The following KCNIP4 variants were observed in gnomAD, a reference collection of about 807,000 sequenced individuals.
The protein encoded by KCNIP4 is potassium voltage-gated channel interacting protein 4.
Under a neutral mutation model 34.0 loss-of-function variants are expected in KCNIP4, and 12 were observed. The observed-to-expected ratio is 0.35, with a 90% CI of 0.23 to 0.57. The LOEUF (loss-of-function observed/expected upper bound fraction) is 0.57, where lower values mean the gene tolerates loss of function less well. KCNIP4 is among the 20% of genes least tolerant of loss of function. The pLI is 0.83. For missense variants in KCNIP4, 238 were observed against 311.7 expected (o/e 0.76, Z 1.78); for synonymous variants, 124 against 102.2 (o/e 1.21, Z -1.29).
intron 1 of KCNIP4, among the ~76,000 whole-genome samples, chr4:21,924,283 G>T (rs768010440): frequency 7.7e-6 from 1 of 130,176 alleles, no homozygotes. Context: ...TCGCTCTGTC[G>T]CCCAGGCTGG....
intron 1 of KCNIP4, among the ~76,000 whole-genome samples, chr4:21,798,787 G>C (rs538841107): frequency 1.3e-5 from 2 of 151,966 alleles, no homozygotes; most frequent in Non-Finnish European, 2.9e-5. Context: ...CACTTAGAAG[G>C]CATATGAAAC....
chr4:21,624,727 G>C (rs563473490), intron 1 of KCNIP4, among the ~76,000 whole-genome samples: 4 of 152,014 alleles, frequency 2.6e-5, no homozygotes, highest in Admixed American at 2.6e-4. Context: ...TCTGAAAATG[G>C]GCAATATGTT....
chr4:21,919,054 G>A (rs568370611), intron 1 of KCNIP4, among the ~76,000 whole-genome samples: 2 of 152,276 alleles, frequency 1.3e-5, no homozygotes, highest in South Asian at 4.1e-4. Context: ...GAACAAAAGA[G>A]ATTCTTCCAG....
intron 1 of KCNIP4, among the ~76,000 whole-genome samples, chr4:21,106,214 T>C (rs1372626624): frequency 1.5e-5 from 2 of 136,778 alleles, no homozygotes; most frequent in Non-Finnish European, 3.1e-5. Flanking sequence ...CGGCTGTGAA[T>C]CCATCTGGTC....
intron 1 of KCNIP4, among the ~76,000 whole-genome samples, chr4:21,683,001 G>A (rs144930742): frequency 0.016 from 2,507 of 152,256 alleles, 79 homozygotes; most frequent in African/African-American, 0.057. Flanking sequence ...GAAGAATGGC[G>A]CTGATAGTAT....
intron 1 of KCNIP4, among the ~76,000 whole-genome samples, chr4:21,717,605 G>A (rs1026966137): frequency 6.6e-6 from 1 of 152,088 alleles, no homozygotes; most frequent in Admixed American, 6.6e-5. Flanking sequence ...GGTAGCCTAG[G>A]ACTGGAGCAA....
intron 1 of KCNIP4, among the ~76,000 whole-genome samples, chr4:21,715,259 G>C (rs957807130): frequency 2.0e-5 from 3 of 151,080 alleles, no homozygotes; most frequent in Non-Finnish European, 4.4e-5. Context: ...AACCTCCCAA[G>C]TACCTGGGAC....
At chr4:21,119,011 T>G (rs1749919804) in intron 1 of KCNIP4, among the ~76,000 whole-genome samples, 2 of 152,200 alleles carry the variant, frequency 1.3e-5, no homozygotes, top group Admixed American at 1.3e-4. Context: ...TTAGATATGA[T>G]GAGGTTTTTG....
At chr4:21,380,456 G>GGAGAGGGGGAGAGAGAGA (rs746207928) in intron 1 of KCNIP4, among the ~76,000 whole-genome samples, 21 of 140,770 alleles carry the variant, frequency 1.5e-4, no homozygotes, top group African/African-American at 3.7e-4. Context: ...AGAGGGAGAG[G>GGAGAGGGGGAGAGAGAGA]GGGAGAGAGA....
At chr4:21,321,244 C>T (rs1279274843) in intron 1 of KCNIP4, among the ~76,000 whole-genome samples, 2 of 152,070 alleles carry the variant, frequency 1.3e-5, no homozygotes, top group East Asian at 3.9e-4. Context: ...AGCCTTGAAT[C>T]CTGCATTTAG....
chr4:20,889,519 C>T (rs1725678838), intron 1 of KCNIP4, among the ~76,000 whole-genome samples: 1 of 152,082 alleles, frequency 6.6e-6, no homozygotes, highest in Non-Finnish European at 1.5e-5. Context: ...ATGAACTCTA[C>T]TCTGGAGGGC....
At chr4:21,173,437 G>T (rs958463081) in intron 1 of KCNIP4, among the ~76,000 whole-genome samples, 6 of 152,108 alleles carry the variant, frequency 3.9e-5, no homozygotes, top group Non-Finnish European at 8.8e-5. Flanking sequence ...GCGATGAGAG[G>T]TTTCAACAGT....
intron 5 of KCNIP4, 58 bp downstream of exon 5, chr4:20,749,604 C>T: frequency 8.5e-7 from 1 of 1,181,972 alleles, no homozygotes. Context: ...TCACATTTTC[C>T]CCCTAAAAAG....
intron 1 of KCNIP4, among the ~76,000 whole-genome samples, chr4:21,313,538 C>T (rs1279074991): frequency 6.6e-6 from 1 of 152,030 alleles, no homozygotes; most frequent in Non-Finnish European, 1.5e-5. Context: ...CTATGATAAC[C>T]AAGTTAAACT....
intron 1 of KCNIP4, among the ~76,000 whole-genome samples, chr4:20,918,903 GAT>G (rs1475165529): frequency 2.6e-5 from 4 of 152,320 alleles, no homozygotes; most frequent in African/African-American, 9.6e-5. Flanking sequence ...CTGTAAGTAA[GAT>G]ATAATCTGGG....
chr4:20,871,791 A>T (rs2149510978), intron 2 of KCNIP4, among the ~76,000 whole-genome samples: 1 of 152,246 alleles, frequency 6.6e-6, no homozygotes, highest in African/African-American at 2.4e-5. Flanking sequence ...GGCAGCTTGC[A>T]TGTAAACATG....
chr4:21,351,961 C>G (rs1384417920), intron 1 of KCNIP4, among the ~76,000 whole-genome samples: 1 of 152,100 alleles, frequency 6.6e-6, no homozygotes, highest in African/African-American at 2.4e-5. Flanking sequence ...TAACCATCAG[C>G]CTTGAAACTA....
chr4:21,591,297 T>C (rs1026974982), intron 1 of KCNIP4, among the ~76,000 whole-genome samples: 3 of 152,090 alleles, frequency 2.0e-5, no homozygotes, highest in Admixed American at 6.6e-5. Context: ...ACAACAATTT[T>C]ATTTTTACCT....
chr4:21,528,391 G>A (rs536917280), intron 1 of KCNIP4, among the ~76,000 whole-genome samples: 19 of 152,050 alleles, frequency 1.2e-4, no homozygotes, highest in African/African-American at 4.3e-4. Flanking sequence ...AAACTCAACC[G>A]GGCATGGTGG....
Sources: gnomAD v4.1 joint callset for allele counts (sites outside exome capture counted in the v4.1 genomes callset) on GRCh38, gnomAD v4.1.1 for gene constraint, MANE v1.5 for transcripts, NCBI Gene and HGNC (gene_info 2026-07-23, HGNC 2026-07-21) for gene names.